ADAM19: variants seen among roughly 807,000 people sequenced by gnomAD.
ADAM19 encodes ADAM metallopeptidase domain 19, also known as disintegrin and metalloproteinase domain-containing protein 19.
A neutral mutation model predicts 114.7 loss-of-function variants in ADAM19; 65 were observed. The ratio of observed to expected loss-of-function variants is 0.57; its 90% CI spans 0.46 to 0.70. The LOEUF (loss-of-function observed/expected upper bound fraction) is 0.70, where lower values mean the gene tolerates loss of function less well. ADAM19 is among the 30% of genes least tolerant of loss of function. The probability of loss-of-function intolerance (pLI) is 0.00; values close to 1 mark genes in which losing one functional copy is unlikely to be tolerated. For synonymous variants in ADAM19, 466 were observed against 460.5 expected (o/e 1.01, Z -0.15); for missense variants, 1,063 against 1,204.7 (o/e 0.88, Z 1.74).
chr5:157,495,054 A>G (rs2113703693), intron 14 of ADAM19, among the ~76,000 whole-genome samples: 1 of 152,218 alleles, frequency 6.6e-6, no homozygotes, highest in Non-Finnish European at 1.5e-5. Flanking sequence ...CAGTGGCACA[A>G]TCACGGCTCA....
intron 7 of ADAM19, among the ~76,000 whole-genome samples, chr5:157,517,845 T>C (rs1366465469): frequency 2.6e-5 from 4 of 152,252 alleles, no homozygotes; most frequent in African/African-American, 9.6e-5. Context: ...TGAACTGCTA[T>C]GCCTTTAGGT....
chr5:157,535,992 A>G lies in ADAM19; in HGVS notation c.330+1921T>C, dbSNP rs566793628. 2.0e-5 allele frequency among the ~76,000 whole-genome samples: 3 copies of G among 152,304 alleles called. No homozygotes were observed. The South Asian group carries it at 6.2e-4, about 32-fold the overall frequency. ...TCTCAAGAAGAGAGGAAAAGTTTTG[A>G]CCAAGGGGCATTGAAGAATATGAAG... On this transcript the variant is annotated intron_variant, in intron 4 of 22. Transcript: ENST00000257527.
At chr5:157,575,222 C>G (rs1251184403) in intron 1 of ADAM19, among the ~76,000 whole-genome samples, 1 of 152,132 alleles carries the variant, frequency 6.6e-6, no homozygotes, top group Admixed American at 6.5e-5. Flanking sequence ...GCGAGTGCAG[C>G]GGGCGGTAGA....
intron 8 of ADAM19, among the ~76,000 whole-genome samples, chr5:157,512,605 T>C (rs977573894): frequency 7.9e-5 from 12 of 152,238 alleles, no homozygotes; most frequent in Admixed American, 7.8e-4. Context: ...AAATATCTTC[T>C]TTCATATACA....
chr5:157,516,331 TG>T (rs1323089365), intron 7 of ADAM19, among the ~76,000 whole-genome samples: 4 of 152,164 alleles, frequency 2.6e-5, no homozygotes, highest in Non-Finnish European at 5.9e-5. Flanking sequence ...AACCCAGGGC[TG>T]TTGCTGAGAC....
intron 5 of ADAM19, among the ~76,000 whole-genome samples, chr5:157,527,454 C>T (rs954733227): frequency 1.3e-5 from 2 of 152,178 alleles, no homozygotes; most frequent in Non-Finnish European, 2.9e-5. Context: ...TTGTGATCTG[C>T]CTGCCTCGGC....
At chr5:157,526,913 G>C (rs191074758) in intron 5 of ADAM19, among the ~76,000 whole-genome samples, 1 of 151,676 alleles carries the variant, frequency 6.6e-6, no homozygotes, top group South Asian at 2.1e-4. Context: ...GAGCCACCGC[G>C]CCTGGCCTAT....
intron 22 of ADAM19, 191 bp downstream of exon 22, chr5:157,481,600 T>C: frequency 6.5e-7 from 1 of 1,532,070 alleles, no homozygotes; most frequent in South Asian, 1.2e-5. Context: ...AAGAATCACC[T>C]TTCACATGAA....
intron 3 of ADAM19, among the ~76,000 whole-genome samples, chr5:157,542,154 C>T (rs1756934465): frequency 1.3e-5 from 2 of 152,140 alleles, no homozygotes; most frequent in African/African-American, 4.8e-5. Context: ...ATGTTCTCAC[C>T]ATGCGACTTA....
chr5:157,566,491 T>C (rs1424282485), intron 2 of ADAM19: 1 of 152,228 alleles, frequency 6.6e-6, no homozygotes, highest in Non-Finnish European at 1.5e-5. Flanking sequence ...CTTTTTACTT[T>C]ATTATTGTGG....
At chr5:157,552,961 C>T (rs969136704) in intron 3 of ADAM19, among the ~76,000 whole-genome samples, 2 of 152,168 alleles carry the variant, frequency 1.3e-5, no homozygotes, top group Admixed American at 1.3e-4. Context: ...ATCCCATGTT[C>T]TCACTTATTT....
intron 5 of ADAM19, among the ~76,000 whole-genome samples, chr5:157,522,185 C>G (rs952908880): frequency 2.6e-5 from 4 of 152,218 alleles, no homozygotes; most frequent in African/African-American, 4.8e-5. Flanking sequence ...TCCTAGGATC[C>G]TTACAAATAT....
chr5:157,567,380 T>C (rs568845237), intron 2 of ADAM19, among the ~76,000 whole-genome samples: 1 of 152,380 alleles, frequency 6.6e-6, no homozygotes, highest in African/African-American at 2.4e-5. Context: ...TGTCATGCCC[T>C]GATTCAGCTC....
intron 16 of ADAM19, 120 bp downstream of exon 16, chr5:157,492,853 C>A (rs1755221090): frequency 9.7e-7 from 1 of 1,027,358 alleles, no homozygotes; most frequent in East Asian, 2.4e-5. Context: ...ATGAAGGGAG[C>A]CACCAAGGCT....
chr5:157,481,260 T>C lies in ADAM19; in HGVS notation c.2704-258A>G, dbSNP rs1025399346. ...CCTGCTAAGGCAGCAGCACAGTCCA[T>C]AGTTTTCTCAATGCCTCGTGGGAAT... On this transcript the variant is annotated intron_variant, in intron 22 of 22. Transcript: ENST00000257527. The C allele has an allele frequency of 5.6e-5, 33 of 587,412 alleles. 1 individual carries two copies. The South Asian group carries it at 6.0e-4, about 11-fold the overall frequency. 36.4% of individuals were successfully genotyped at this position (587,412 alleles called of 1,614,324 possible). A position where few individuals can be genotyped will look rare whatever the true frequency, so the allele number is the denominator to read the frequency against.
At chr5:157,517,392 A>T (rs1756123937) in intron 7 of ADAM19, among the ~76,000 whole-genome samples, 2 of 152,224 alleles carry the variant, frequency 1.3e-5, no homozygotes, top group Admixed American at 6.5e-5. Context: ...GCTCATAATG[A>T]CATCCAATGC....
chr5:157,553,117 T>C (rs1757250923), intron 3 of ADAM19, among the ~76,000 whole-genome samples: 1 of 152,198 alleles, frequency 6.6e-6, no homozygotes, highest in Non-Finnish European at 1.5e-5. Flanking sequence ...ACCTATTATT[T>C]GATAGCACAA....
At chr5:157,505,647 T>C in intron 11 of ADAM19, 22 bp downstream of exon 11, 2 of 1,612,054 alleles carry the variant, frequency 1.2e-6, no homozygotes, top group East Asian at 4.5e-5. Context: ...CTCCCCATCC[T>C]CCCTCTTGCT....
intron 3 of ADAM19, among the ~76,000 whole-genome samples, chr5:157,559,315 T>C (rs1298618103): frequency 6.6e-6 from 1 of 152,150 alleles, no homozygotes; most frequent in Admixed American, 6.5e-5. Flanking sequence ...GGAAGGACAG[T>C]GTATTGAAGA....
Sources: allele counts gnomAD v4.1 joint callset (sites outside exome capture counted in the v4.1 genomes callset), GRCh38; gene constraint gnomAD v4.1.1; transcripts MANE v1.5; gene names NCBI Gene and HGNC (gene_info 2026-07-23, HGNC 2026-07-21).